The following FAM217B variants were observed in gnomAD, a reference collection of about 807,000 sequenced individuals.
FAM217B encodes the protein protein FAM217B.
For missense variants in FAM217B, 463 were observed against 456.9 expected, an observed-to-expected ratio of 1.01 and a Z score of -0.12; for synonymous variants, 163 against 173.0, an observed-to-expected ratio of 0.94 and a Z score of 0.45.
At chr20:59,937,334 T>C (rs1482010631), upstream of FAM217B, 2 of 152,652 alleles carry the variant, frequency 1.3e-5, no homozygotes, top group African/African-American at 2.4e-5. Context: ...GGCTTCTCTC[T>C]CTCTTGCATG....
Position 59,944,496 on chromosome 20 carries a change from C to T in FAM217B, c.553C>T (p.Leu185Phe), listed in dbSNP as rs758747558. Residue 185 changes from leucine (L) to phenylalanine (F), a missense_variant, in exon 4 of 4, where the codon CTT becomes TTT. Transcript: ENST00000360816. ...GGLLGKYIDR[L>F]IQLEWLQVQT... is the part of the protein sequence containing the mutation. Reference sequence around the variant, plus strand: ...ACTTCTTGGGAAGTATATCGATAGACTTATTCAGCTTGAGTGGCTGCAAGT... The same window carrying T: ...ACTTCTTGGGAAGTATATCGATAGATTTATTCAGCTTGAGTGGCTGCAAGT... 2.5e-6 allele frequency: 4 copies of T among 1,613,874 alleles called. No homozygotes were observed. The highest frequency in any genetic ancestry group is 1.1e-5 in the South Asian group (1 of 91,074).
Position 59,947,506 on chromosome 20 carries a change from A to C in FAM217B, c.*2411A>C, listed in dbSNP as rs985733418. The C allele has an allele frequency of 1.8e-5, 3 of 165,062 alleles. No homozygotes were observed. Among genetic ancestry groups the C allele is most frequent in the Admixed American group, 1.3e-4 (2 of 15,200 alleles). The allele number at this position is 165,062 out of a possible 1,614,324, so 10.2% of individuals were successfully genotyped here. On this transcript the variant is annotated 3_prime_UTR_variant, in exon 4 of 4. Transcript: ENST00000360816. ...GCAACAAGAGGGAAACTCCGTTTCA[A>C]AAAAAAAAGAAAAAGAAAGAAATTG...
upstream of FAM217B, chr20:59,937,049 A>G (rs1025319629): frequency 2.1e-4 from 32 of 152,634 alleles, no homozygotes; most frequent in African/African-American, 7.7e-4. Context: ...TAAATTTCAT[A>G]ATGTTGGTAT....
Position 59,944,317 on chromosome 20 carries a change from T to C in FAM217B, c.374T>C (p.Val125Ala). ...CTTCGAGCTGAAGAAATTGATCCAG[T>C]TTACTTTGATCTTCACCCTGGTCAG... is the stretch of plus-strand genomic sequence containing the variant. ...LNLRAEEIDPVYFDLHPGQGH... is the reference protein window; with the variant it reads ...LNLRAEEIDPAYFDLHPGQGH... The change falls in exon 4 of 4, where the codon GTT becomes GCT. Residue 125 changes from valine to alanine, a missense_variant. By Grantham distance (64) the Val-to-Ala change is moderately conservative (BLOSUM62 0). Transcript: ENST00000360816. The C allele has an allele frequency of 6.2e-7, 1 of 1,614,096 alleles. No individual in the cohort carries two copies. The highest frequency in any genetic ancestry group is 8.5e-7 in the Non-Finnish European group (1 of 1,180,020).
Position 59,944,283 on chromosome 20 carries a change from G to C in FAM217B, c.340G>C (p.Asp114His), listed in dbSNP as rs751139590. 1 of 1,614,114 alleles carries C rather than the reference G, an allele frequency of 6.2e-7. No homozygotes were observed. Among genetic ancestry groups the C allele is most frequent in the Non-Finnish European group, 8.5e-7 (1 of 1,180,016 alleles). ...TCCTCCTTCTCCCCTCACACCTCCA[G>C]ATCTCAATCTTCGAGCTGAAGAAAT... is the stretch of plus-strand genomic sequence containing the variant. ...PIPPSPLTPP[D>H]LNLRAEEIDP... The change falls in exon 4 of 4, where the codon GAT becomes CAT. Residue 114 changes from aspartate to histidine, a missense_variant. Coordinates refer to ENST00000360816, the MANE Select transcript of FAM217B (RefSeq NM_022106.3).
upstream of FAM217B, chr20:59,940,064 T>A: frequency 1.4e-6 from 1 of 712,320 alleles, no homozygotes; most frequent in East Asian, 3.4e-5. Flanking sequence ...TCGGGCCCGG[T>A]GCGCCCTACC....
At chr20:59,941,266 C>T (rs762352494) in intron 1 of FAM217B, among the ~76,000 whole-genome samples, 8 of 152,154 alleles carry the variant, frequency 5.3e-5, no homozygotes, top group African/African-American at 1.2e-4. Flanking sequence ...AGGGACAAAG[C>T]AGAAAGAAAA....
intron 3 of FAM217B, among the ~76,000 whole-genome samples, chr20:59,942,970 C>T (rs992572944): frequency 1.3e-5 from 2 of 152,088 alleles, no homozygotes; most frequent in Admixed American, 6.6e-5. Flanking sequence ...AAATGTAGCA[C>T]GTATTCAAAT....
Position 59,944,208 on chromosome 20 carries a change from G to A in FAM217B, c.265G>A (p.Ala89Thr), listed in dbSNP as rs2060922057. Residue 89 changes from alanine to threonine, a missense_variant, in exon 4 of 4, where the codon GCT becomes ACT. Transcript: ENST00000360816. The stretch of plus-strand genomic sequence containing the variant: ...GTCAATGAAAATTATTAAAGAGAAT[G>A]CTGATGAGGACAGTGCAAGTGATCT... ...FQSMKIIKENADEDSASDLSD... is the reference protein window; with the variant it reads ...FQSMKIIKENTDEDSASDLSD... 1.9e-6 allele frequency: 3 copies of A among 1,614,178 alleles called. No homozygotes were observed. The highest frequency in any genetic ancestry group is 1.3e-5 in the African/African-American group (1 of 75,042).
upstream of FAM217B, chr20:59,936,969 T>C (rs2060866528): frequency 6.5e-6 from 1 of 152,674 alleles, no homozygotes; most frequent in African/African-American, 2.4e-5. Context: ...ATAACTGTTT[T>C]AGGGTCTGAA....
chr20:59,946,318 A>T lies in FAM217B; in HGVS notation c.*1223A>T, dbSNP rs2060936849. The T allele has an allele frequency of 6.0e-6, 1 of 166,954 alleles. No individual in the cohort carries two copies. Among genetic ancestry groups the T allele is most frequent in the African/African-American group, 2.4e-5 (1 of 41,396 alleles). 10.3% of individuals were successfully genotyped at this position (166,954 alleles called of 1,614,324 possible). The stretch of plus-strand genomic sequence containing the variant: ...GTATTTTAATACGGCCCATGTCATT[A>T]TAGTTGATTTTATCCCTTTAAACAA... On this transcript the variant is annotated 3_prime_UTR_variant, in exon 4 of 4. Coordinates refer to ENST00000360816, the MANE Select transcript of FAM217B (RefSeq NM_022106.3).
chr20:59,939,559 G>A (rs375765630), upstream of FAM217B: 7 of 1,611,504 alleles, frequency 4.3e-6, no homozygotes, highest in East Asian at 2.2e-5. Flanking sequence ...GGCACGGACG[G>A]GTCGTCTCCC....
In FAM217B at chr20:59,944,480, G is replaced by A; in HGVS notation, c.537G>A (p.Gly179=). ...EAVPRVGGLL[G]KYIDRLIQLE... is the part of the protein sequence containing the mutation. ...TGCCCCGAGTGGGAGGACTTCTTGG[G>A]AAGTATATCGATAGACTTATTCAGC... The change falls in exon 4 of 4, where the codon GGG becomes GGA. Residue 179 remains glycine, a synonymous_variant. Transcript: ENST00000360816. 6.2e-7 allele frequency: 1 copy of A among 1,613,986 alleles called. No homozygotes were observed. The highest frequency in any genetic ancestry group is 8.5e-7 in the Non-Finnish European group (1 of 1,180,022).
chr20:59,944,994 A>G lies in FAM217B; in HGVS notation c.1051A>G (p.Arg351Gly). ...ASKTQAHAHP[R>G]KKGKAESCGH... Reference sequence around the variant, plus strand: ...CAAAACACAAGCACATGCACATCCTAGGAAAAAGGGAAAGGCAGAGAGCTG... The same window carrying G: ...CAAAACACAAGCACATGCACATCCTGGGAAAAAGGGAAAGGCAGAGAGCTG... The change falls in exon 4 of 4, where the codon AGG (arginine) becomes GGG (glycine). Residue 351 changes from arginine to glycine, a missense_variant. Coordinates refer to ENST00000360816, the MANE Select transcript of FAM217B (RefSeq NM_022106.3). 6.2e-7 allele frequency: 1 copy of G among 1,614,186 alleles called. No homozygotes were observed. Among genetic ancestry groups the G allele is most frequent in the Non-Finnish European group, 8.5e-7 (1 of 1,180,018 alleles).
upstream of FAM217B, chr20:59,939,559 GGTC>G (rs905126619): frequency 1.2e-6 from 2 of 1,611,386 alleles, no homozygotes; most frequent in Non-Finnish European, 1.7e-6. Flanking sequence ...GGCACGGACG[GGTC>G]GTCTCCCGCG....
rs1374637005 is a variant in FAM217B at position 59,944,550 on chromosome 20, G to A, written c.607G>A (p.Gly203Arg). The change falls in exon 4 of 4, where the codon GGG becomes AGG. Residue 203 changes from glycine (G) to arginine (R), a missense_variant. Physicochemically the swap from Gly to Arg is moderately radical, Grantham distance 125. Transcript: ENST00000360816. ...VQTVQCEKAKGGKARPPTAPG... is the reference protein window; with the variant it reads ...VQTVQCEKAKRGKARPPTAPG... ...GACTGTACAGTGTGAAAAAGCAAAG[G>A]GGGGCAAAGCAAGGCCCCCCACTGC... 1.2e-6 allele frequency: 2 copies of A among 1,613,886 alleles called. No individual in the cohort carries two copies. The highest frequency in any genetic ancestry group is 2.2e-5 in the East Asian group (1 of 44,862).
chr20:59,938,479 G>A (rs2060875354), upstream of FAM217B: 2 of 152,444 alleles, frequency 1.3e-5, no homozygotes, highest in East Asian at 1.9e-4. Context: ...GTGGGCTCAG[G>A]TTTTCCTTAT....
chr20:59,939,196 G>A (rs1339212006), upstream of FAM217B: 2 of 1,609,094 alleles, frequency 1.2e-6, no homozygotes, highest in African/African-American at 2.7e-5. Context: ...AGCTCCAGCA[G>A]GAAGGGCGGT....
rs1426792502 is a variant in FAM217B at position 59,945,129 on chromosome 20, G to A, written c.*34G>A. On this transcript the variant is annotated 3_prime_UTR_variant, in exon 4 of 4. Coordinates refer to ENST00000360816, the MANE Select transcript of FAM217B (RefSeq NM_022106.3). ...AATGCTGAATTGCCAAGACCTGCAG[G>A]TACCTCAATGTTAGAGCGCTTCCAA... 1 of 1,485,212 alleles carries A rather than the reference G, an allele frequency of 6.7e-7. No individual in the cohort carries two copies. The allele number at this position is 1,485,212 out of a possible 1,614,324, so 92.0% of individuals were successfully genotyped here. A position where few individuals can be genotyped will look rare whatever the true frequency, so the allele number is the denominator to read the frequency against.
Sources: gnomAD v4.1 joint callset for allele counts (sites outside exome capture counted in the v4.1 genomes callset) on GRCh38, gnomAD v4.1.1 for gene constraint, MANE v1.5 for transcripts, NCBI Gene and HGNC (gene_info 2026-07-23, HGNC 2026-07-21) for gene names.